Variants in ATG16L1 observed in about 807,000 individuals in gnomAD.
ATG16L1 encodes autophagy-related protein 16-1.
Under a neutral mutation model 88.5 loss-of-function variants are expected in ATG16L1, and 37 were observed. That is an observed-to-expected ratio of 0.42 (90% CI 0.32 to 0.55). ATG16L1 has a LOEUF of 0.55. Among genes scored for constraint, ATG16L1 ranks in the 20% least tolerant of loss-of-function variants. ATG16L1 has a pLI of 0.13. For missense variants in ATG16L1, 554 were observed against 752.8 expected (o/e 0.74, Z 3.09); for synonymous variants, 301 against 281.0 (o/e 1.07, Z -0.71).
intron 6 of ATG16L1, among the ~76,000 whole-genome samples, chr2:233,270,944 A>ACTAGGAGTCATTCACCAACTAACGTCT (rs1697950608): frequency 6.6e-6 from 1 of 152,214 alleles, no homozygotes; most frequent in Non-Finnish European, 1.5e-5. Flanking sequence ...TTTAAATTCA[A>ACTAGGAGTCATTCACCAACTAACGTCT]CTAGGAGTCA....
intron 2 of ATG16L1, 117 bp from the exon 3 acceptor site, chr2:233,263,013 T>G: frequency 1.1e-6 from 1 of 887,294 alleles, no homozygotes; most frequent in South Asian, 1.5e-5. Flanking sequence ...GTTTATTGGC[T>G]TTGTGAACAT....
At chr2:233,270,382 C>T (rs12105443) in intron 6 of ATG16L1, among the ~76,000 whole-genome samples, 5,220 of 152,164 alleles carry the variant, frequency 0.034, 199 homozygotes, top group African/African-American at 0.088. Context: ...TGTACTGATA[C>T]GGCCTTTGAC....
chr2:233,273,320 T>C (rs1698117192), intron 7 of ATG16L1: 2 of 509,712 alleles, frequency 3.9e-6, no homozygotes, highest in Admixed American at 3.6e-5. Flanking sequence ...GAAACCTTAT[T>C]AAGCAGAATG....
chr2:233,265,631 G>A (rs1697513933), intron 5 of ATG16L1, among the ~76,000 whole-genome samples: 1 of 152,002 alleles, frequency 6.6e-6, no homozygotes, highest in African/African-American at 2.4e-5. Context: ...CACCACGCCT[G>A]GCTAATTTTT....
At chr2:233,259,454 A>T (rs934236756) in intron 2 of ATG16L1, among the ~76,000 whole-genome samples, 1 of 152,128 alleles carries the variant, frequency 6.6e-6, no homozygotes, top group African/African-American at 2.4e-5. Flanking sequence ...CTGGAGAAAA[A>T]CTTTAAGCAC....
intron 10 of ATG16L1, among the ~76,000 whole-genome samples, chr2:233,278,190 C>T (rs1453076153): frequency 2.0e-5 from 3 of 152,094 alleles, no homozygotes; most frequent in African/African-American, 7.2e-5. Flanking sequence ...CAGACGAGGG[C>T]CCTTAGATCA....
At chr2:233,292,779 A>T (rs1358961364) in intron 16 of ATG16L1, among the ~76,000 whole-genome samples, 1 of 152,216 alleles carries the variant, frequency 6.6e-6, no homozygotes, top group Non-Finnish European at 1.5e-5. Context: ...GGCGGGACTG[A>T]AAAGGCTTTT....
In ATG16L1 at chr2:233,274,562, T is replaced by C. The variant is rs1698213748; in HGVS notation, c.852-114T>C. 1.2e-5 allele frequency: 8 copies of C among 679,826 alleles called. No homozygotes were observed. In the South Asian group the frequency reaches 1.6e-4, roughly 14 times the overall value. The allele number at this position is 679,826 out of a possible 1,614,324, so 42.1% of individuals were successfully genotyped here. On this transcript the variant is annotated intron_variant, in intron 8 of 17. Transcript: ENST00000392017. Reference sequence around the variant, plus strand: ...GTTTGAAGAATCTAGAAGGACAGGCTATCAACAGAGGCAGTCTGCTTAAGC... The same window carrying C: ...GTTTGAAGAATCTAGAAGGACAGGCCATCAACAGAGGCAGTCTGCTTAAGC...
At chr2:233,271,423 CAT>C in intron 6 of ATG16L1, among the ~76,000 whole-genome samples, 1 of 152,232 alleles carries the variant, frequency 6.6e-6, no homozygotes, top group Non-Finnish European at 1.5e-5. Context: ...GGATTACAGG[CAT>C]GCGCCACCAC....
chr2:233,259,608 G>A (rs1229666801), intron 2 of ATG16L1, among the ~76,000 whole-genome samples: 1 of 152,180 alleles, frequency 6.6e-6, no homozygotes, highest in Non-Finnish European at 1.5e-5. Context: ...CAGGTTGAAC[G>A]GTGGGCTTCA....
At chr2:233,275,613 G>C (rs1264957875) in intron 9 of ATG16L1, 1 of 448,720 alleles carries the variant, frequency 2.2e-6, no homozygotes, top group African/African-American at 2.0e-5. Flanking sequence ...GAACTGCCTT[G>C]ACTGTTGTAA....
intron 2 of ATG16L1, among the ~76,000 whole-genome samples, chr2:233,259,886 T>A (rs1170606249): frequency 3.9e-5 from 6 of 152,196 alleles, no homozygotes; most frequent in African/African-American, 9.6e-5. Context: ...TTTATCTTCT[T>A]ATTCCCAGAC....
At chr2:233,269,945 C>T in intron 5 of ATG16L1, 57 bp from the exon 6 acceptor site, 1 of 1,539,950 alleles carries the variant, frequency 6.5e-7, no homozygotes, top group Non-Finnish European at 8.7e-7. Context: ...GAGCCCAAAC[C>T]CCGTGCTTTC....
intron 5 of ATG16L1, among the ~76,000 whole-genome samples, chr2:233,267,462 T>TAA (rs35352766): frequency 6.6e-6 from 1 of 152,152 alleles, no homozygotes; most frequent in South Asian, 2.1e-4. Flanking sequence ...TATACTTTTT[T>TAA]AAAAAAATGA....
At chr2:233,290,386 T>TAA (rs1699380556) in intron 14 of ATG16L1, 33 bp downstream of exon 14, 1 of 1,523,888 alleles carries the variant, frequency 6.6e-7, no homozygotes, top group Non-Finnish European at 9.1e-7. Context: ...TGGAGGCACA[T>TAA]AAGAGTCTCC....
intron 5 of ATG16L1, among the ~76,000 whole-genome samples, chr2:233,267,695 G>GC (rs1055159377): frequency 6.6e-6 from 1 of 152,248 alleles, no homozygotes; most frequent in African/African-American, 2.4e-5. Context: ...GGTGTTGGGG[G>GC]CCCCAGGTGA....
chr2:233,282,744 T>C lies in ATG16L1; in HGVS notation c.1194T>C (p.Tyr398=). The change falls in exon 12 of 18, where the codon TAT becomes TAC. Residue 398 remains tyrosine (Y), a synonymous_variant. Coordinates refer to ENST00000392017, the MANE Select transcript of ATG16L1 (RefSeq NM_030803.7). ...GCCGAATCTGGACTGTGGATGATTATCGATTACGGGTAAGACCCAGTTAAG... is the reference window on the plus strand; with the variant it reads ...GCCGAATCTGGACTGTGGATGATTACCGATTACGGGTAAGACCCAGTTAAG... The part of the protein sequence containing the change: ...FASRIWTVDD[Y]RLRHTLTGHS... 6.2e-7 allele frequency: 1 copy of C among 1,614,040 alleles called. No individual in the cohort carries two copies.
intron 8 of ATG16L1, 123 bp downstream of exon 8, chr2:233,273,900 A>G (rs1054955344): frequency 2.6e-6 from 4 of 1,512,362 alleles, no homozygotes; most frequent in African/African-American, 2.8e-5. Context: ...ATATGCCTTA[A>G]TATCAGCTTT....
At chr2:233,289,377 A>ATGTGGGTGTGTGTGTGTGTGTGTG (rs1699296563) in intron 12 of ATG16L1, among the ~76,000 whole-genome samples, 1 of 129,060 alleles carries the variant, frequency 7.7e-6, no homozygotes, top group Non-Finnish European at 1.6e-5. Flanking sequence ...CCTGTTTGGG[A>ATGTGGGTGTGTGTGTGTGTGTGTG]TGTGTGTGTG....
Sources: gnomAD v4.1 joint callset for allele counts (sites outside exome capture counted in the v4.1 genomes callset) on GRCh38, gnomAD v4.1.1 for gene constraint, MANE v1.5 for transcripts, NCBI Gene and HGNC (gene_info 2026-07-23, HGNC 2026-07-21) for gene names.